EYS: variants seen among roughly 807,000 people sequenced by gnomAD.
EYS encodes protein eyes shut homolog.
Under a neutral mutation model 282.1 loss-of-function variants are expected in EYS, and 250 were observed. That is an observed-to-expected ratio of 0.89 (90% confidence interval 0.80 to 0.98). The LOEUF is 0.98. EYS is among the 50% of genes least tolerant of loss of function. The probability of loss-of-function intolerance (pLI) is 0.00; values close to 1 mark genes in which losing one functional copy is unlikely to be tolerated. For missense variants in EYS, 4,016 were observed against 3,709.0 expected, an observed-to-expected ratio of 1.08 and a Z score of -2.15; for synonymous variants, 1,355 against 1,282.9, an observed-to-expected ratio of 1.06 and a Z score of -1.20.
At chr6:64,876,673 A>T (rs1766760315) in intron 19 of EYS, among the ~76,000 whole-genome samples, 1 of 152,146 alleles carries the variant, frequency 6.6e-6, no homozygotes. Flanking sequence ...ATAGAGTGAC[A>T]TAGTGTTATT....
intron 31 of EYS, among the ~76,000 whole-genome samples, chr6:64,148,831 A>G (rs1003931611): frequency 1.3e-5 from 2 of 152,204 alleles, no homozygotes; most frequent in African/African-American, 4.8e-5. Flanking sequence ...CTTCCCAACC[A>G]TAGAACTGAG....
intron 29 of EYS, among the ~76,000 whole-genome samples, chr6:64,352,048 C>A (rs953640292): frequency 1.3e-5 from 2 of 151,436 alleles, no homozygotes; most frequent in African/African-American, 4.8e-5. Flanking sequence ...TAGCTGAATA[C>A]CTCCTATATT....
intron 33 of EYS, among the ~76,000 whole-genome samples, chr6:64,004,443 T>C (rs753102786): frequency 6.8e-6 from 1 of 148,064 alleles, no homozygotes; most frequent in Middle Eastern, 3.6e-3. Flanking sequence ...ATAAGTATTA[T>C]CAAAGTTTGA....
chr6:63,936,910 G>A lies in EYS; in HGVS notation c.7055+47473C>T, dbSNP rs557835251. ...AAACTAGGAAATTATAACATGTCAT[G>A]AGGATATGTTAAATGAAGGCTAGCC... is the stretch of plus-strand genomic sequence containing the variant. On this transcript the variant is annotated intron_variant, in intron 35 of 42. Coordinates refer to ENST00000503581, the MANE Select transcript of EYS (RefSeq NM_001142800.2). Among the ~76,000 whole-genome samples the A allele has an allele frequency of 2.2e-4, 34 of 152,328 alleles. 1 individual carries two copies. The South Asian group carries it at 7.0e-3, about 32-fold the overall frequency.
intron 22 of EYS, among the ~76,000 whole-genome samples, chr6:64,702,003 A>T (rs991877484): frequency 9.3e-5 from 14 of 151,058 alleles, no homozygotes; most frequent in African/African-American, 2.9e-4. Context: ...AATGCAGTAA[A>T]TTTTACCCTT....
At chr6:64,823,228 A>AGT (rs1006777050) in intron 19 of EYS, among the ~76,000 whole-genome samples, 4 of 151,996 alleles carry the variant, frequency 2.6e-5, no homozygotes, top group Admixed American at 1.3e-4. Context: ...ATTTGGCTTT[A>AGT]GTGAGTCTAT....
chr6:65,294,116 T>C (rs1223258819), intron 12 of EYS, among the ~76,000 whole-genome samples: 1 of 151,124 alleles, frequency 6.6e-6, no homozygotes, highest in Non-Finnish European at 1.5e-5. Flanking sequence ...GAATTCAAGA[T>C]GAAGGGAGAT....
At chr6:65,665,267 A>T (rs1480060509) in intron 1 of EYS, among the ~76,000 whole-genome samples, 3 of 152,180 alleles carry the variant, frequency 2.0e-5, no homozygotes, top group African/African-American at 7.2e-5. Flanking sequence ...TATTTGTGCT[A>T]TGAGATGTTC....
intron 26 of EYS, among the ~76,000 whole-genome samples, chr6:64,568,052 C>T (rs1765615582): frequency 6.6e-6 from 1 of 152,026 alleles, no homozygotes; most frequent in Admixed American, 6.6e-5. Flanking sequence ...TTCAGGAAGG[C>T]CAAAATAAAT....
intron 2 of EYS, among the ~76,000 whole-genome samples, chr6:65,571,691 C>T (rs1012526847): frequency 6.6e-5 from 10 of 151,660 alleles, no homozygotes; most frequent in Admixed American, 3.9e-4. Context: ...AACAATAGTT[C>T]GATAATGAAA....
chr6:65,211,725 T>G (rs1766180523), intron 12 of EYS, among the ~76,000 whole-genome samples: 1 of 151,798 alleles, frequency 6.6e-6, no homozygotes, highest in Non-Finnish European at 1.5e-5. Flanking sequence ...GAAAGGAATA[T>G]CTGTAGGAGG....
chr6:65,585,393 A>G (rs983039056), intron 2 of EYS, among the ~76,000 whole-genome samples: 3 of 151,994 alleles, frequency 2.0e-5, no homozygotes, highest in Admixed American at 6.6e-5. Context: ...AAGGAATTTA[A>G]GACTTGCTTC....
At chr6:63,854,255 C>A (rs1299711787) in intron 36 of EYS, among the ~76,000 whole-genome samples, 1 of 152,098 alleles carries the variant, frequency 6.6e-6, no homozygotes, top group Non-Finnish European at 1.5e-5. Context: ...ACATATATAC[C>A]ATGGAATACT....
chr6:65,077,688 AT>A lies in EYS; in HGVS notation c.2024-19962del, dbSNP rs1774098313. Among the ~76,000 whole-genome samples the A allele has an allele frequency of 2.0e-5, 3 of 152,164 alleles. 1 individual carries two copies. The South Asian group carries it at 6.2e-4, about 32-fold the overall frequency. On this transcript the variant is annotated intron_variant, in intron 12 of 42. Transcript: ENST00000503581. ...CCTTCCTTTTGATGAGATTGTATTC[AT>A]TTCTAGATTAATGTCAGATAGATAA...
At chr6:63,932,388 C>T (rs1016856635) in intron 35 of EYS, among the ~76,000 whole-genome samples, 2 of 152,172 alleles carry the variant, frequency 1.3e-5, no homozygotes, top group Admixed American at 6.5e-5. Flanking sequence ...GGAGGTTCAT[C>T]TGACTCCTGA....
In EYS at chr6:63,973,468, C is replaced by A. The variant is rs562004533; in HGVS notation, c.7055+10915G>T. Among the ~76,000 whole-genome samples the A allele has an allele frequency of 3.9e-5, 6 of 152,194 alleles. No homozygotes were observed. In the South Asian group the frequency reaches 1.2e-3, roughly 31 times the overall value. ...ACATTTCAGATCCTAGGAGAGAGAG[C>A]ATTGAATTAAAGTCTAAAAAATTAG... is the stretch of plus-strand genomic sequence containing the variant. On this transcript the variant is annotated intron_variant, in intron 35 of 42. Transcript: ENST00000503581.
intron 12 of EYS, among the ~76,000 whole-genome samples, chr6:65,144,437 A>G (rs1346270757): frequency 6.6e-6 from 1 of 152,120 alleles, no homozygotes; most frequent in Non-Finnish European, 1.5e-5. Flanking sequence ...GGATATGGTT[A>G]TATTACCTTT....
intron 7 of EYS, among the ~76,000 whole-genome samples, chr6:65,393,663 G>C (rs1766147906): frequency 6.6e-6 from 1 of 151,920 alleles, no homozygotes; most frequent in South Asian, 2.1e-4. Flanking sequence ...AGTTATATTT[G>C]TGACATAAAC....
chr6:65,276,392 G>A (rs1430442076), intron 12 of EYS, among the ~76,000 whole-genome samples: 1 of 151,724 alleles, frequency 6.6e-6, no homozygotes, highest in East Asian at 1.9e-4. Flanking sequence ...TACAAAGAGG[G>A]AAGTGCTTCC....
Sources: gnomAD v4.1 joint callset for allele counts (sites outside exome capture counted in the v4.1 genomes callset) on GRCh38, gnomAD v4.1.1 for gene constraint, MANE v1.5 for transcripts, NCBI Gene and HGNC (gene_info 2026-07-23, HGNC 2026-07-21) for gene names.